The following CCT7 variants were observed in gnomAD, a reference collection of about 807,000 sequenced individuals.
The protein encoded by CCT7 is T-complex protein 1 subunit eta.
In CCT7, 16 loss-of-function variants were observed where a neutral mutation model predicts 56.6. That is an observed-to-expected ratio of 0.28 (90% CI 0.19 to 0.43). The LOEUF (loss-of-function observed/expected upper bound fraction) is 0.43. CCT7 is among the 20% of genes least tolerant of loss of function. The probability of loss-of-function intolerance (pLI) is 1.00; values close to 1 mark genes in which losing one functional copy is unlikely to be tolerated. For missense variants in CCT7, 519 were observed against 685.6 expected, an observed-to-expected ratio of 0.76 and a Z score of 2.71; for synonymous variants, 262 against 254.8, an observed-to-expected ratio of 1.03 and a Z score of -0.27.
intron 1 of CCT7, among the ~76,000 whole-genome samples, chr2:73,236,350 T>C (rs2103756380): frequency 6.6e-6 from 1 of 152,178 alleles, no homozygotes; most frequent in Non-Finnish European, 1.5e-5. Flanking sequence ...TTTTCTTTTT[T>C]TTTTTTCCCG....
chr2:73,242,149 CA>C (rs1210883822), intron 3 of CCT7, among the ~76,000 whole-genome samples: 3 of 151,062 alleles, frequency 2.0e-5, no homozygotes, highest in Non-Finnish European at 4.4e-5. Context: ...TGGCCAGATG[CA>C]GTGGCTCATG....
In CCT7 at chr2:73,235,325, C is replaced by T. The variant is rs555247715; in HGVS notation, c.6+941C>T. Among the ~76,000 whole-genome samples, 12 of 152,274 alleles carry T rather than the reference C, an allele frequency of 7.9e-5. No homozygotes were observed. The East Asian group carries it at 2.3e-3, about 29-fold the overall frequency. On this transcript the variant is annotated intron_variant, in intron 1 of 11. Transcript: ENST00000258091. ...CCAGCTTCCGAGGTGGTGTTTGACCCTGACTGAGATACTGCTTTCTGTGCA... is the reference window on the plus strand; with the variant it reads ...CCAGCTTCCGAGGTGGTGTTTGACCTTGACTGAGATACTGCTTTCTGTGCA...
rs373353976 is a variant in CCT7, at chr2:73,244,094, G to A, written c.446+45G>A. On this transcript the variant is annotated intron_variant, in intron 5 of 11. Coordinates refer to ENST00000258091, the MANE Select transcript of CCT7 (RefSeq NM_006429.4). ...TTTTTTTTTTTTTTAAAGAGACGGA[G>A]CCTTGCTGTATTGCCCAGGCTAGTC... is the stretch of plus-strand genomic sequence containing the variant. 2.6e-6 allele frequency: 4 copies of A among 1,556,660 alleles called. No homozygotes were observed. In the East Asian group the frequency reaches 6.8e-5, roughly 27 times the overall value.
At chr2:73,236,540 C>T (rs530062802) in intron 1 of CCT7, among the ~76,000 whole-genome samples, 2 of 152,254 alleles carry the variant, frequency 1.3e-5, no homozygotes, top group African/African-American at 2.4e-5. Flanking sequence ...GGGGTTTCAC[C>T]GTGTTGACCA....
At chr2:73,251,171 ATGGAAGCT>A in intron 10 of CCT7, 47 bp from the exon 11 acceptor site, 1 of 1,538,330 alleles carries the variant, frequency 6.5e-7, no homozygotes, top group East Asian at 2.3e-5. Flanking sequence ...GTGGCCCAGC[ATGGAAGCT>A]TGGACCAGGG....
chr2:73,251,550 C>A (rs1687583781), intron 11 of CCT7, 118 bp downstream of exon 11: 5 of 847,602 alleles, frequency 5.9e-6, no homozygotes, highest in South Asian at 3.3e-5. Flanking sequence ...GCAACTCCCC[C>A]CAGCCTGTCT....
intron 8 of CCT7, 140 bp from the exon 9 acceptor site, chr2:73,249,679 T>C (rs1433899739): frequency 1.5e-6 from 1 of 664,972 alleles, no homozygotes; most frequent in Non-Finnish European, 2.7e-6. Flanking sequence ...GGGGGAAGGG[T>C]CGCCTGGAAG....
At chr2:73,248,628 T>G (rs1574362743) in intron 7 of CCT7, among the ~76,000 whole-genome samples, 1 of 152,188 alleles carries the variant, frequency 6.6e-6, no homozygotes, top group East Asian at 1.9e-4. Flanking sequence ...GTTCTGTGAT[T>G]ACAGGCATGA....
chr2:73,249,304 CT>C (rs1687474885), intron 8 of CCT7, 125 bp downstream of exon 8: 5 of 690,966 alleles, frequency 7.2e-6, no homozygotes, highest in Non-Finnish European at 1.1e-5. Context: ...TTTTTTTTAA[CT>C]CTTTTTTTTC....
At position 73,252,653 on chromosome 2, in the gene CCT7, A is replaced by G. The variant is rs764973880; in HGVS notation, c.1424A>G (p.Tyr475Cys). ...RARHAQGGTWYGVDINNEDIA... is the reference protein window; with the variant it reads ...RARHAQGGTWCGVDINNEDIA... ...CTACTCTTTTAGGGGGGTACATGGT[A>G]TGGAGTAGACATCAACAACGAGGAC... The change falls in exon 12 of 12, where the codon TAT becomes TGT. Residue 475 changes from tyrosine to cysteine, a missense_variant. This residue lies in a region of CCT7 where 237 missense variants were observed against 300.8 expected (regional missense o/e 0.79). Coordinates refer to ENST00000258091, the MANE Select transcript of CCT7 (RefSeq NM_006429.4). The G allele has an allele frequency of 6.2e-6, 10 of 1,613,604 alleles. No individual in the cohort carries two copies. Among genetic ancestry groups the G allele is most frequent in the Non-Finnish European group, 7.6e-6 (9 of 1,179,652 alleles).
Position 73,239,717 on chromosome 2 carries a change from T to G in CCT7, c.81T>G (p.Ser27Arg), listed in dbSNP as rs1404710519. 6.2e-7 allele frequency: 1 copy of G among 1,613,846 alleles called. No individual in the cohort carries two copies. The highest frequency in any genetic ancestry group is 8.5e-7 in the Non-Finnish European group (1 of 1,179,848). Residue 27 changes from serine (S) to arginine (R), a missense_variant, in exon 2 of 12, where the codon AGT (serine) becomes AGG (arginine). Physicochemically the swap from Ser to Arg is moderately radical, Grantham distance 110 (BLOSUM62 -1). This residue lies in a region of CCT7 where 276 missense variants were observed against 357.3 expected (regional missense o/e 0.77). Coordinates refer to ENST00000258091, the MANE Select transcript of CCT7 (RefSeq NM_006429.4). ...TCCCCCAGCTTGTGAGTAACATCAG[T>G]GCCTGCCAGGTGATTGCTGAGGCTG... ...QGIPQLVSNI[S>R]ACQVIAEAVR...
At chr2:73,234,521 G>A (rs1297229877) in intron 1 of CCT7, 137 bp downstream of exon 1, 9 of 1,064,260 alleles carry the variant, frequency 8.5e-6, no homozygotes, top group African/African-American at 1.6e-5. Context: ...GCTTAGGGGC[G>A]ACCCCAGCCA....
chr2:73,243,591 A>T (rs1687206664), intron 4 of CCT7, among the ~76,000 whole-genome samples: 1 of 152,188 alleles, frequency 6.6e-6, no homozygotes, highest in Non-Finnish European at 1.5e-5. Context: ...AAAAAAATAA[A>T]AAGTTTATAT....
chr2:73,246,564 C>T (rs914211960), intron 6 of CCT7, among the ~76,000 whole-genome samples: 1 of 152,168 alleles, frequency 6.6e-6, no homozygotes, highest in Non-Finnish European at 1.5e-5. Context: ...TATTCTTCTG[C>T]GTAAAGCCTT....
At chr2:73,234,596 G>C (rs1003942594) in intron 1 of CCT7, among the ~76,000 whole-genome samples, 1 of 152,224 alleles carries the variant, frequency 6.6e-6, no homozygotes, top group Non-Finnish European at 1.5e-5. Context: ...TGGGGCTTTA[G>C]AGGAGTCTCT....
intron 1 of CCT7, among the ~76,000 whole-genome samples, chr2:73,237,161 A>G (rs1438202760): frequency 6.6e-6 from 1 of 152,198 alleles, no homozygotes. Flanking sequence ...AGTGAAGAGA[A>G]AGTTATGGGA....
intron 3 of CCT7, 87 bp from the exon 4 acceptor site, chr2:73,242,917 T>A: frequency 6.6e-7 from 1 of 1,515,458 alleles, no homozygotes; most frequent in African/African-American, 1.4e-5. Context: ...ATATTCAGTT[T>A]AAATGGGTAG....
chr2:73,249,238 AC>A, intron 8 of CCT7, 59 bp downstream of exon 8: 3 of 1,359,846 alleles, frequency 2.2e-6, no homozygotes, highest in East Asian at 2.4e-5. Context: ...GTTTTCACTG[AC>A]CCCTGGTATA....
At chr2:73,250,491 A>G (rs2103808549) in intron 10 of CCT7, 53 bp downstream of exon 10, 1 of 1,600,062 alleles carries the variant, frequency 6.2e-7, no homozygotes, top group East Asian at 2.2e-5. Context: ...CTATCTCCCT[A>G]GCTGATCAGA....
Sources: allele counts gnomAD v4.1 joint callset (sites outside exome capture counted in the v4.1 genomes callset), GRCh38; gene constraint gnomAD v4.1.1; regional missense constraint gnomAD v4.1.1; transcripts MANE v1.5; gene names NCBI Gene and HGNC (gene_info 2026-07-23, HGNC 2026-07-21).